The following CAV2 variants were observed in gnomAD, a reference collection of about 807,000 sequenced individuals.
CAV2 encodes caveolin-2.
CAV2 carries 7 observed loss-of-function variants against 15.5 expected under a neutral mutation model. That is an observed-to-expected ratio of 0.45 (90% CI 0.26 to 0.85). CAV2 has a LOEUF of 0.85. CAV2 is among the 40% of genes least tolerant of loss of function. The probability of loss-of-function intolerance (pLI) is 0.18; values close to 1 mark genes in which losing one functional copy is unlikely to be tolerated. For missense variants in CAV2, 229 were observed against 208.8 expected, an observed-to-expected ratio of 1.10 and a Z score of -0.60; for synonymous variants, 76 against 83.1, an observed-to-expected ratio of 0.91 and a Z score of 0.46.
intron 1 of CAV2, 57 bp downstream of exon 1, chr7:116,499,988 C>T: frequency 1.3e-6 from 2 of 1,580,528 alleles, no homozygotes; most frequent in Non-Finnish European, 1.7e-6. Context: ...GTGCGGGCGC[C>T]CCTCAGCCCC....
chr7:116,502,292 T>C (rs150287405), intron 2 of CAV2, among the ~76,000 whole-genome samples: 2 of 152,362 alleles, frequency 1.3e-5, no homozygotes, highest in African/African-American at 2.4e-5. Flanking sequence ...AGTGCTTCAA[T>C]TGGTGAATCA....
At chr7:116,500,062 C>T (rs1255463814) in intron 1 of CAV2, 131 bp downstream of exon 1, 22 of 1,470,628 alleles carry the variant, frequency 1.5e-5, no homozygotes, top group Non-Finnish European at 1.9e-5. Context: ...CGCACCCTTC[C>T]CCGGTCCCAC....
chr7:116,501,951 T>A (rs1291212079), intron 2 of CAV2, among the ~76,000 whole-genome samples: 1 of 152,200 alleles, frequency 6.6e-6, no homozygotes, highest in Non-Finnish European at 1.5e-5. Flanking sequence ...GAATTTTTTT[T>A]AAGATCCCTG....
Position 116,499,919 on chromosome 7 carries a change from C to T in CAV2, c.138C>T (p.Asn46=). 6.2e-7 allele frequency: 1 copy of T among 1,611,724 alleles called. No individual in the cohort carries two copies. The highest frequency in any genetic ancestry group is 8.5e-7 in the Non-Finnish European group (1 of 1,179,358). The change falls in exon 1 of 3, where the codon AAC becomes AAT. Residue 46 remains asparagine, a synonymous_variant. Coordinates refer to ENST00000222693, the MANE Select transcript of CAV2 (RefSeq NM_001233.5). ...AGGACCGGGATCCCCACCGGCTCAA[C>T]TCGCATCTCAAGGTGAAGCCCGGGG... The part of the protein sequence containing the change: ...SDQDRDPHRL[N]SHLKLGFEDV...
rs1417100787 is a variant in CAV2, at chr7:116,508,122, G to A, written c.*2001G>A. On this transcript the variant is annotated 3_prime_UTR_variant, in exon 3 of 3. Transcript: ENST00000222693. ...TAGATTTTATTATGTTAGTTTAAAA[G>A]GTCAATCAGCCTCATGACTTTATAG... is the stretch of plus-strand genomic sequence containing the variant. The A allele has an allele frequency of 6.6e-6, 1 of 152,032 alleles. No homozygotes were observed. The highest frequency in any genetic ancestry group is 1.9e-4 in the East Asian group (1 of 5,194). The allele number at this position is 152,032 out of a possible 1,614,324, so 9.4% of individuals were successfully genotyped here. A position where few individuals can be genotyped will look rare whatever the true frequency, so the allele number is the denominator to read the frequency against.
chr7:116,506,020 C>G lies in CAV2; in HGVS notation c.388C>G (p.Gln130Glu), dbSNP rs8940. Reference protein sequence around the residue: ...KTCLMVLPSVQTIWKSVTDVI... With the variant: ...KTCLMVLPSVETIWKSVTDVI... ...CTGCCTAATGGTTCTGCCTTCAGTG[C>G]AGACAATATGGAAGAGTGTGACAGA... The change falls in exon 3 of 3, where the codon CAG (glutamine) becomes GAG (glutamate). Residue 130 changes from glutamine to glutamate, a missense_variant. Coordinates refer to ENST00000222693, the MANE Select transcript of CAV2 (RefSeq NM_001233.5). The G allele has an allele frequency of 0.17, 272,935 of 1,612,374 alleles. 24,883 individuals carry two copies. The highest frequency in any genetic ancestry group is 0.23 in the Middle Eastern group (1,401 of 6,058).
Position 116,499,905 on chromosome 7 carries a change from C to T in CAV2, c.124C>T (p.Pro42Ser), listed in dbSNP as rs374156174. ...KFADSDQDRDPHRLNSHLKLG... is the reference protein window; with the variant it reads ...KFADSDQDRDSHRLNSHLKLG... ...CGCGGACTCGGACCAGGACCGGGATCCCCACCGGCTCAACTCGCATCTCAA... is the reference window on the plus strand; with the variant it reads ...CGCGGACTCGGACCAGGACCGGGATTCCCACCGGCTCAACTCGCATCTCAA... Residue 42 changes from proline to serine, a missense_variant, in exon 1 of 3, where the codon CCC becomes TCC. Pro to Ser is a moderately conservative substitution (Grantham distance 74). Transcript: ENST00000222693. 1.2e-4 allele frequency: 186 copies of T among 1,611,956 alleles called. No individual in the cohort carries two copies. The highest frequency in any genetic ancestry group is 1.6e-4 in the Non-Finnish European group (184 of 1,179,492).
intron 2 of CAV2, among the ~76,000 whole-genome samples, chr7:116,502,737 A>T (rs912961789): frequency 6.6e-6 from 1 of 152,236 alleles, no homozygotes; most frequent in Admixed American, 6.5e-5. Context: ...CAGATTTTAG[A>T]TCCTTTAAAC....
intron 2 of CAV2, among the ~76,000 whole-genome samples, chr7:116,505,706 T>G (rs920051652): frequency 6.6e-6 from 1 of 152,092 alleles, no homozygotes; most frequent in African/African-American, 2.4e-5. Flanking sequence ...TGGCAGGCAC[T>G]AAGACATTCA....
rs1584753400 is a variant in CAV2 at position 116,500,418 on chromosome 7, C to T, written c.309C>T (p.Leu103=). ...AIPLAFIAGI[L]FATLSCLHIW... is the part of the protein sequence containing the mutation. ...CCCTGGCCTTCATTGCGGGAATTCT[C>T]TTTGCCACCCTCAGCTGTCTGCACA... Residue 103 remains leucine (L), a synonymous_variant, in exon 2 of 3, where the codon CTC becomes CTT. Transcript: ENST00000222693. 6.2e-7 allele frequency: 1 copy of T among 1,613,920 alleles called. No homozygotes were observed. Among genetic ancestry groups the T allele is most frequent in the Admixed American group, 1.7e-5 (1 of 60,026 alleles).
chr7:116,506,074 G>A lies in CAV2; in HGVS notation c.442G>A (p.Val148Ile), dbSNP rs139300375. 207 of 1,613,996 alleles carry A rather than the reference G, an allele frequency of 1.3e-4. No individual in the cohort carries two copies. Among genetic ancestry groups the A allele is most frequent in the East Asian group, 2.9e-4 (13 of 44,872 alleles). ...TATCATTGCTCCATTGTGTACGAGCGTAGGACGATGCTTCTCTTCTGTCAG... is the reference window on the plus strand; with the variant it reads ...TATCATTGCTCCATTGTGTACGAGCATAGGACGATGCTTCTCTTCTGTCAG... ...DVIIAPLCTS[V>I]GRCFSSVSLQ... Residue 148 changes from valine (V) to isoleucine (I), a missense_variant, in exon 3 of 3, where the codon GTA (valine) becomes ATA (isoleucine). Val to Ile is a conservative substitution (Grantham distance 29). Coordinates refer to ENST00000222693, the MANE Select transcript of CAV2 (RefSeq NM_001233.5).
In CAV2 at chr7:116,506,524, G is replaced by C. The variant is rs1391069409; in HGVS notation, c.*403G>C. 2 of 159,886 alleles carry C rather than the reference G, an allele frequency of 1.3e-5. No individual in the cohort carries two copies. The highest frequency in any genetic ancestry group is 2.7e-5 in the Non-Finnish European group (2 of 73,398). 9.9% of individuals were successfully genotyped at this position (159,886 alleles called of 1,614,324 possible). A position where few individuals can be genotyped will look rare whatever the true frequency, so the allele number is the denominator to read the frequency against. On this transcript the variant is annotated 3_prime_UTR_variant, in exon 3 of 3. Coordinates refer to ENST00000222693, the MANE Select transcript of CAV2 (RefSeq NM_001233.5). The stretch of plus-strand genomic sequence containing the variant: ...ATTTGTTTGTCTGTTTTTACTCTGG[G>C]AGTAATACTTTTTAAATTACCTTTA...
At position 116,499,792 on chromosome 7, in the gene CAV2, A is replaced by G; in HGVS notation, c.11A>G (p.Glu4Gly). 6.4e-7 allele frequency: 1 copy of G among 1,574,588 alleles called. No homozygotes were observed. Among genetic ancestry groups the G allele is most frequent in the African/African-American group, 1.4e-5 (1 of 73,538 alleles). The change falls in exon 1 of 3, where the codon GAG (glutamate) becomes GGG (glycine). Residue 4 changes from glutamate to glycine, a missense_variant. Transcript: ENST00000222693. ...CGCACCAAGGCTGCGATGGGGCTGG[A>G]GACGGAGAAGGCGGACGTACAGCTC... Reference protein sequence around the residue: MGLETEKADVQLFM... With the variant: MGLGTEKADVQLFM...
chr7:116,505,567 G>A (rs776339638), intron 2 of CAV2, among the ~76,000 whole-genome samples: 1 of 152,150 alleles, frequency 6.6e-6, no homozygotes, highest in Non-Finnish European at 1.5e-5. Flanking sequence ...ATAGTGGAAG[G>A]AGAAGGAGGA....
chr7:116,508,480 G>A lies in CAV2; in HGVS notation c.*2359G>A, dbSNP rs1793296775. On this transcript the variant is annotated 3_prime_UTR_variant, in exon 3 of 3. Transcript: ENST00000222693. ...AAACATGTTGTTTGTTTTATTTGGG[G>A]CTGGGGGAGGTATATGATGAGCAGA... 1 of 151,924 alleles carries A rather than the reference G, an allele frequency of 6.6e-6. No individual in the cohort carries two copies. 9.4% of individuals were successfully genotyped at this position (151,924 alleles called of 1,614,324 possible).
rs1349060825 is a variant in CAV2, at chr7:116,506,883, A to G, written c.*762A>G. The G allele has an allele frequency of 6.6e-6, 1 of 152,218 alleles. No homozygotes were observed. The highest frequency in any genetic ancestry group is 1.5e-5 in the Non-Finnish European group (1 of 68,022). The allele number at this position is 152,218 out of a possible 1,614,324, so 9.4% of individuals were successfully genotyped here. On this transcript the variant is annotated 3_prime_UTR_variant, in exon 3 of 3. Transcript: ENST00000222693. ...TCATTGGTAAGATTGCACTGTTCTG[A>G]TTATGTAAGCATTTGTACATCTTCT...
chr7:116,508,057 T>C lies in CAV2; in HGVS notation c.*1936T>C, dbSNP rs922675492. 1.3e-5 allele frequency: 2 copies of C among 152,206 alleles called. No homozygotes were observed. Among genetic ancestry groups the C allele is most frequent in the Non-Finnish European group, 2.9e-5 (2 of 68,026 alleles). The allele number at this position is 152,206 out of a possible 1,614,324, so 9.4% of individuals were successfully genotyped here. A position where few individuals can be genotyped will look rare whatever the true frequency, so the allele number is the denominator to read the frequency against. On this transcript the variant is annotated 3_prime_UTR_variant, in exon 3 of 3. Coordinates refer to ENST00000222693, the MANE Select transcript of CAV2 (RefSeq NM_001233.5). The stretch of plus-strand genomic sequence containing the variant: ...TTGCAGCATCCTTAGATGGGACGCA[T>C]AATCATTACCTTAAAGCATCACCAC...
chr7:116,503,979 A>G (rs1456121473), intron 2 of CAV2, among the ~76,000 whole-genome samples: 1 of 151,114 alleles, frequency 6.6e-6, no homozygotes, highest in East Asian at 1.9e-4. Flanking sequence ...GAAGGAAAGA[A>G]AGAAAGAAAA....
Position 116,508,163 on chromosome 7 carries a change from A to G in CAV2, c.*2042A>G, listed in dbSNP as rs893814919. The stretch of plus-strand genomic sequence containing the variant: ...GACTTTATAGTTATGTCTTGTATTT[A>G]AAAACATTTTTTATACATTTGGTTA... On this transcript the variant is annotated 3_prime_UTR_variant, in exon 3 of 3. Coordinates refer to ENST00000222693, the MANE Select transcript of CAV2 (RefSeq NM_001233.5). The G allele has an allele frequency of 6.6e-6, 1 of 152,238 alleles. No homozygotes were observed. Among genetic ancestry groups the G allele is most frequent in the Non-Finnish European group, 1.5e-5 (1 of 68,034 alleles). 9.4% of individuals were successfully genotyped at this position (152,238 alleles called of 1,614,324 possible).
Sources: allele counts gnomAD v4.1 joint callset (sites outside exome capture counted in the v4.1 genomes callset), GRCh38; gene constraint gnomAD v4.1.1; transcripts MANE v1.5; gene names NCBI Gene and HGNC (gene_info 2026-07-23, HGNC 2026-07-21).